PPP1R12A: variants seen among roughly 807,000 people sequenced by gnomAD.
PPP1R12A encodes the protein protein phosphatase 1 regulatory subunit 12A, also known as myosin binding subunit.
In PPP1R12A, 19 loss-of-function variants were observed where a neutral mutation model predicts 139.6. The ratio of observed to expected loss-of-function variants is 0.14; its 90% CI spans 0.09 to 0.20. PPP1R12A has a LOEUF of 0.20. Ranked by LOEUF, PPP1R12A falls within the 10% of genes least tolerant of loss-of-function variation. The pLI is 1.00. For synonymous variants in PPP1R12A, 427 were observed against 420.6 expected (o/e 1.02, Z -0.19); for missense variants, 925 against 1,211.5 (o/e 0.76, Z 3.51).
intron 1 of PPP1R12A, among the ~76,000 whole-genome samples, chr12:79,912,590 T>C (rs1886663238): frequency 6.6e-6 from 1 of 151,432 alleles, no homozygotes; most frequent in Non-Finnish European, 1.5e-5. Flanking sequence ...ACTACTCAGG[T>C]GGCTGAGGTG....
intron 2 of PPP1R12A, among the ~76,000 whole-genome samples, chr12:79,846,822 C>T (rs746174955): frequency 6.6e-6 from 1 of 152,040 alleles, no homozygotes; most frequent in Non-Finnish European, 1.5e-5. Context: ...CTGGCCTTGT[C>T]TTCTTTTTCA....
chr12:79,779,476 G>A, intron 23 of PPP1R12A: 1 of 719,614 alleles, frequency 1.4e-6, no homozygotes, highest in Non-Finnish European at 2.1e-6. Context: ...AAATGTTAAT[G>A]TTTTTAGGGT....
At position 79,798,366 on chromosome 12, in the gene PPP1R12A, A is replaced by G. The variant is rs933285296; in HGVS notation, c.2091+128T>C. On this transcript the variant is annotated intron_variant, in intron 15 of 24. Coordinates refer to ENST00000450142, the MANE Select transcript of PPP1R12A (RefSeq NM_002480.3). ...TACCTTTTAAGGATTTACTCACACT[A>G]TATACTGACATCAATATTTTCACAA... is the stretch of plus-strand genomic sequence containing the variant. The G allele has an allele frequency of 6.1e-5, 35 of 576,412 alleles. No individual in the cohort carries two copies. In the African/African-American group the frequency reaches 6.1e-4, roughly 10 times the overall value. The allele number at this position is 576,412 out of a possible 1,614,324, so 35.7% of individuals were successfully genotyped here. A position where few individuals can be genotyped will look rare whatever the true frequency, so the allele number is the denominator to read the frequency against.
chr12:79,792,634 T>A (rs1185081715), intron 19 of PPP1R12A, among the ~76,000 whole-genome samples: 1 of 152,158 alleles, frequency 6.6e-6, no homozygotes, highest in Non-Finnish European at 1.5e-5. Context: ...CAGTAAAACT[T>A]AAAATACAGT....
At chr12:79,801,153 C>G (rs569098776) in intron 14 of PPP1R12A, among the ~76,000 whole-genome samples, 2 of 151,128 alleles carry the variant, frequency 1.3e-5, no homozygotes, top group Non-Finnish European at 3.0e-5. Context: ...TGAGACCAGC[C>G]TGACCAACAT....
intron 9 of PPP1R12A, among the ~76,000 whole-genome samples, chr12:79,814,709 G>A (rs1374757596): frequency 1.3e-5 from 2 of 149,242 alleles, no homozygotes; most frequent in Non-Finnish European, 3.0e-5. Flanking sequence ...CAGCTACTCG[G>A]GAGGCTGAGG....
intron 2 of PPP1R12A, among the ~76,000 whole-genome samples, chr12:79,862,176 C>G (rs1024942720): frequency 6.6e-6 from 1 of 152,176 alleles, no homozygotes; most frequent in African/African-American, 2.4e-5. Context: ...CCCAGGCAAA[C>G]AGGGTCTGGA....
chr12:79,897,126 T>TCAA (rs1885199881), intron 1 of PPP1R12A, among the ~76,000 whole-genome samples: 1 of 152,128 alleles, frequency 6.6e-6, no homozygotes. Context: ...AAACATGGAA[T>TCAA]CAACCTAGGT....
intron 3 of PPP1R12A, among the ~76,000 whole-genome samples, chr12:79,845,049 CA>C (rs1477133077): frequency 1.3e-5 from 2 of 152,114 alleles, no homozygotes; most frequent in African/African-American, 4.8e-5. Flanking sequence ...TATTTTGCTC[CA>C]AAACTTTTAC....
chr12:79,780,616 T>C (rs1870321440), intron 23 of PPP1R12A: 1 of 152,194 alleles, frequency 6.6e-6, no homozygotes, highest in African/African-American at 2.4e-5. Context: ...AAATAAATAC[T>C]ACTTTAAGTA....
At chr12:79,817,550 T>C (rs1033173103) in intron 8 of PPP1R12A, 32 bp from the exon 9 acceptor site, 1 of 1,544,380 alleles carries the variant, frequency 6.5e-7, no homozygotes, top group Admixed American at 2.0e-5. Context: ...GAGTCAAGAT[T>C]CCATATATAT....
chr12:79,895,138 GA>G (rs752471750), intron 1 of PPP1R12A, among the ~76,000 whole-genome samples: 1 of 152,032 alleles, frequency 6.6e-6, no homozygotes, highest in Non-Finnish European at 1.5e-5. Flanking sequence ...AATATGGGGG[GA>G]AAAGTTTATT....
chr12:79,791,388 T>A (rs143090524), intron 19 of PPP1R12A, among the ~76,000 whole-genome samples: 37 of 152,280 alleles, frequency 2.4e-4, no homozygotes, highest in African/African-American at 8.7e-4. Context: ...AGTGCAGTGA[T>A]ATGATCACAG....
At chr12:79,781,753 C>T (rs1332024778) in intron 23 of PPP1R12A, 62 bp downstream of exon 23, 1 of 979,496 alleles carries the variant, frequency 1.0e-6, no homozygotes, top group East Asian at 2.7e-5. Context: ...AACAAAAAAC[C>T]TACCATTGTT....
rs36125158 is a variant in PPP1R12A at position 79,819,931 on chromosome 12, T to TAA, written c.1114+841_1114+842dup. Among the ~76,000 whole-genome samples the TAA allele has an allele frequency of 5.3e-3, 740 of 139,510 alleles. 4 individuals are homozygous for TAA. Among genetic ancestry groups the TAA allele is most frequent in the African/African-American group, 0.018 (702 of 38,422 alleles). The allele number at this position is 139,510 out of a possible 152,430, so 91.5% of individuals were successfully genotyped here. On this transcript the variant is annotated intron_variant, in intron 8 of 24. Transcript: ENST00000450142. ...ATTTAATAGAATACTATACAATAGC[T>TAA]AAAAAAAAAAAATGCAGATCAAGTT...
rs1396331833 is a variant in PPP1R12A, at chr12:79,790,486, G to A, written c.2650-3C>T. ...ACATACCTAGAAATGGAATCCGTCT[G>A]GAAAGAAAGAGAAAAACATAGGCAT... is the stretch of plus-strand genomic sequence containing the variant. On this transcript the variant is annotated splice_region_variant and splice_polypyrimidine_tract_variant and intron_variant, in intron 19 of 24. Transcript: ENST00000450142. The A allele has an allele frequency of 2.2e-6, 3 of 1,374,934 alleles. No individual in the cohort carries two copies. The highest frequency in any genetic ancestry group is 3.0e-5 in the South Asian group (2 of 66,538). The allele number at this position is 1,374,934 out of a possible 1,614,324, so 85.2% of individuals were successfully genotyped here.
intron 19 of PPP1R12A, among the ~76,000 whole-genome samples, chr12:79,792,542 A>T (rs1872014460): frequency 6.6e-6 from 1 of 152,220 alleles, no homozygotes; most frequent in South Asian, 2.1e-4. Flanking sequence ...GTAAACAAAA[A>T]CTACTTAAAT....
At chr12:79,806,436 A>C in intron 12 of PPP1R12A, 103 bp from the exon 13 acceptor site, 1 of 1,092,474 alleles carries the variant, frequency 9.2e-7, no homozygotes, top group Non-Finnish European at 1.3e-6. Context: ...AAAATTTAAA[A>C]ACTGTGTTCC....
chr12:79,882,677 T>C (rs1883746083), intron 1 of PPP1R12A, among the ~76,000 whole-genome samples: 1 of 152,220 alleles, frequency 6.6e-6, no homozygotes, highest in South Asian at 2.1e-4. Context: ...AAAGAAGTTC[T>C]ACTGGGGGTA....
Sources: allele counts gnomAD v4.1 joint callset (sites outside exome capture counted in the v4.1 genomes callset), GRCh38; gene constraint gnomAD v4.1.1; transcripts MANE v1.5; gene names NCBI Gene and HGNC (gene_info 2026-07-23, HGNC 2026-07-21).